The following PLCXD3 variants were observed in gnomAD, a reference collection of about 807,000 sequenced individuals.
PLCXD3 encodes phosphatidylinositol specific phospholipase C X domain containing 3, also known as PI-PLC X domain-containing protein 3.
PLCXD3 carries 19 observed loss-of-function variants against 25.5 expected under a neutral mutation model. The observed-to-expected ratio is 0.75, with a 90% CI of 0.52 to 1.09. The LOEUF (loss-of-function observed/expected upper bound fraction) is 1.09. PLCXD3 is among the 50% of genes least tolerant of loss of function. The pLI is 0.00. For missense variants in PLCXD3, 411 were observed against 388.1 expected (o/e 1.06, Z -0.50); for synonymous variants, 174 against 137.6 (o/e 1.26, Z -1.85).
rs546929691 is a variant in PLCXD3 at position 41,338,350 on chromosome 5, G to A, written c.813-24580C>T. Among the ~76,000 whole-genome samples, 76 of 152,220 alleles carry A rather than the reference G, an allele frequency of 5.0e-4. No individual in the cohort carries two copies. The South Asian group carries it at 0.015, about 30-fold the overall frequency. ...ATTATCATATTAAGAACATTGAAAT[G>A]TCCTGAAGTTAAGGATTTATTTCCC... On this transcript the variant is annotated intron_variant, in intron 2 of 2. Transcript: ENST00000377801.
Position 41,323,635 on chromosome 5 carries a change from C to T in PLCXD3, c.813-9865G>A, listed in dbSNP as rs184570233. 8.8e-3 allele frequency among the ~76,000 whole-genome samples: 1,333 copies of T among 152,112 alleles called. 13 individuals carry two copies. The highest frequency in any genetic ancestry group is 0.03 in the African/African-American group (1,251 of 41,434). ...GTAGACAAGTGATGGGAGAGAGCAA[C>T]ACTAGGGGCAGAAATCACAATTAGA... On this transcript the variant is annotated intron_variant, in intron 2 of 2. Transcript: ENST00000377801.
intron 1 of PLCXD3, among the ~76,000 whole-genome samples, chr5:41,492,017 T>G (rs1479205545): frequency 6.6e-6 from 1 of 152,254 alleles, no homozygotes; most frequent in South Asian, 2.1e-4. Flanking sequence ...TTGATGCACT[T>G]TCTTCCTAGC....
chr5:41,333,377 G>C (rs1026599141), intron 2 of PLCXD3, among the ~76,000 whole-genome samples: 1 of 152,074 alleles, frequency 6.6e-6, no homozygotes, highest in Non-Finnish European at 1.5e-5. Context: ...GTAAAGAAGA[G>C]AATGACAACA....
chr5:41,344,389 T>C (rs1744246201), intron 2 of PLCXD3, among the ~76,000 whole-genome samples: 1 of 152,146 alleles, frequency 6.6e-6, no homozygotes, highest in Non-Finnish European at 1.5e-5. Flanking sequence ...TTTCAGTTAT[T>C]TTCCACAGCA....
chr5:41,309,117 T>TA lies in PLCXD3; in HGVS notation c.*4499dup, dbSNP rs1241987772. On this transcript the variant is annotated 3_prime_UTR_variant, in exon 3 of 3. Transcript: ENST00000377801. ...GATTTTTGATAAGATATTATATACT[T>TA]ACACACACATACCACATACAAGCAC... 6.6e-6 allele frequency: 1 copy of TA among 152,548 alleles called. No individual in the cohort carries two copies. Among genetic ancestry groups the TA allele is most frequent in the Non-Finnish European group, 1.5e-5 (1 of 67,986 alleles). The allele number at this position is 152,548 out of a possible 1,614,324, so 9.4% of individuals were successfully genotyped here. A position where few individuals can be genotyped will look rare whatever the true frequency, so the allele number is the denominator to read the frequency against.
chr5:41,466,785 C>T (rs2150518735), intron 1 of PLCXD3, among the ~76,000 whole-genome samples: 1 of 152,180 alleles, frequency 6.6e-6, no homozygotes, highest in South Asian at 2.1e-4. Flanking sequence ...TTAGATTCCT[C>T]ATATAAGTGA....
At chr5:41,388,826 C>A (rs979739080) in intron 1 of PLCXD3, among the ~76,000 whole-genome samples, 3 of 151,882 alleles carry the variant, frequency 2.0e-5, no homozygotes, top group Admixed American at 6.6e-5. Flanking sequence ...TTACTATTAA[C>A]TATGAACTTC....
chr5:41,334,671 T>C (rs896267402), intron 2 of PLCXD3, among the ~76,000 whole-genome samples: 4 of 152,172 alleles, frequency 2.6e-5, no homozygotes, highest in Admixed American at 1.3e-4. Flanking sequence ...CCTTTGATAA[T>C]GGCAACAGCA....
intron 1 of PLCXD3, among the ~76,000 whole-genome samples, chr5:41,490,600 C>T (rs1047192657): frequency 1.3e-5 from 2 of 152,126 alleles, no homozygotes; most frequent in African/African-American, 4.8e-5. Flanking sequence ...TGATTATTGC[C>T]ACAATTTCAG....
chr5:41,375,168 A>AGC (rs761053029), intron 2 of PLCXD3, among the ~76,000 whole-genome samples: 1 of 151,256 alleles, frequency 6.6e-6, no homozygotes, highest in Non-Finnish European at 1.5e-5. Context: ...AGAAAGAGAG[A>AGC]GAGAAAGAGA....
chr5:41,320,570 C>T (rs973824675), intron 2 of PLCXD3, among the ~76,000 whole-genome samples: 9 of 152,200 alleles, frequency 5.9e-5, no homozygotes, highest in Non-Finnish European at 1.0e-4. Context: ...GATCTTGGCT[C>T]ACTGCAAGCT....
intron 1 of PLCXD3, among the ~76,000 whole-genome samples, chr5:41,463,034 T>G (rs1747930715): frequency 6.6e-6 from 1 of 151,990 alleles, no homozygotes; most frequent in South Asian, 2.1e-4. Context: ...TAGACTGATT[T>G]GAGTAGGAAA....
rs368786265 is a variant in PLCXD3, at chr5:41,321,678, C to A, written c.813-7908G>T. ...AAGAATCACATTACTTTAAATTATC[C>A]TGCAGAGAAATACTAACTAACACAG... On this transcript the variant is annotated intron_variant, in intron 2 of 2. Transcript: ENST00000377801. Among the ~76,000 whole-genome samples, 4 of 152,244 alleles carry A rather than the reference C, an allele frequency of 2.6e-5. No individual in the cohort carries two copies. In the East Asian group the frequency reaches 5.8e-4, roughly 22 times the overall value.
chr5:41,401,314 CT>C (rs1746179842), intron 1 of PLCXD3, among the ~76,000 whole-genome samples: 1 of 151,968 alleles, frequency 6.6e-6, no homozygotes, highest in African/African-American at 2.4e-5. Flanking sequence ...AAAATGTTTT[CT>C]TCTGGAAGTT....
intron 2 of PLCXD3, among the ~76,000 whole-genome samples, chr5:41,324,608 A>G (rs1743569523): frequency 6.6e-6 from 1 of 152,202 alleles, no homozygotes; most frequent in Non-Finnish European, 1.5e-5. Context: ...GTCTGAATAT[A>G]CAGACATGAG....
At chr5:41,460,235 T>C (rs138207022) in intron 1 of PLCXD3, among the ~76,000 whole-genome samples, 26 of 151,992 alleles carry the variant, frequency 1.7e-4, no homozygotes, top group African/African-American at 5.3e-4. Flanking sequence ...GTCTATCATA[T>C]TGGTGACTAT....
At chr5:41,420,909 C>T (rs1425962259) in intron 1 of PLCXD3, among the ~76,000 whole-genome samples, 1 of 152,134 alleles carries the variant, frequency 6.6e-6, no homozygotes, top group Non-Finnish European at 1.5e-5. Flanking sequence ...TTATGTGAGG[C>T]TACAGATAAT....
intron 1 of PLCXD3, among the ~76,000 whole-genome samples, chr5:41,500,594 A>G (rs186268689): frequency 3.3e-5 from 5 of 151,792 alleles, no homozygotes; most frequent in Admixed American, 3.3e-4. Flanking sequence ...ACGCAACTTA[A>G]ACCTAAGACC....
rs1478285712 is a variant in PLCXD3 at position 41,312,812 on chromosome 5, C to T, written c.*805G>A. The T allele has an allele frequency of 6.6e-6, 1 of 151,786 alleles. No individual in the cohort carries two copies. Among genetic ancestry groups the T allele is most frequent in the Non-Finnish European group, 1.5e-5 (1 of 67,924 alleles). The allele number at this position is 151,786 out of a possible 1,614,324, so 9.4% of individuals were successfully genotyped here. A position where few individuals can be genotyped will look rare whatever the true frequency, so the allele number is the denominator to read the frequency against. ...ATTTTCAGAGTTTTCAATTTTAACA[C>T]ACTTGTACCTTACCATTTACTGGGT... On this transcript the variant is annotated 3_prime_UTR_variant, in exon 3 of 3. Coordinates refer to ENST00000377801, the MANE Select transcript of PLCXD3 (RefSeq NM_001005473.3).
Sources: gnomAD v4.1 joint callset for allele counts (sites outside exome capture counted in the v4.1 genomes callset) on GRCh38, gnomAD v4.1.1 for gene constraint, MANE v1.5 for transcripts, NCBI Gene and HGNC (gene_info 2026-07-23, HGNC 2026-07-21) for gene names.